The following BLOC1S5 variants were observed in gnomAD, a reference collection of about 807,000 sequenced individuals.
The protein encoded by BLOC1S5 is biogenesis of lysosomal organelles complex 1 subunit 5.
Under a neutral mutation model 24.3 loss-of-function variants are expected in BLOC1S5, and 27 were observed. The ratio of observed to expected loss-of-function variants is 1.11; its 90% CI spans 0.82 to 1.53. The LOEUF is 1.53. BLOC1S5 is among the 40% of genes most tolerant of loss of function. The pLI is 0.00. For missense variants in BLOC1S5, 239 were observed against 229.4 expected (o/e 1.04, Z -0.27); for synonymous variants, 84 against 74.5 (o/e 1.13, Z -0.66).
chr6:8,041,655 C>CTTTCTTTTTTTTT (rs111955375), intron 2 of BLOC1S5, among the ~76,000 whole-genome samples: 12,758 of 111,234 alleles, frequency 0.11, 1,310 homozygotes, highest in South Asian at 0.25. Flanking sequence ...TTCTTTCTTT[C>CTTTCTTTTTTTTT]TTTTTTTTTG....
chr6:8,052,249 G>A lies in BLOC1S5; in HGVS notation c.195+10285C>T, dbSNP rs946912479. Reference sequence around the variant, plus strand: ...CCCAAAGTGCTGGGATTACAGGCGTGAGCCACCGCGCCCGAGGTACAACAT... The same window carrying A: ...CCCAAAGTGCTGGGATTACAGGCGTAAGCCACCGCGCCCGAGGTACAACAT... On this transcript the variant is annotated intron_variant, in intron 2 of 4. Coordinates refer to ENST00000397457, the MANE Select transcript of BLOC1S5 (RefSeq NM_201280.3). Among the ~76,000 whole-genome samples, 9 of 152,092 alleles carry A rather than the reference G, an allele frequency of 5.9e-5. No homozygotes were observed. In the East Asian group the frequency reaches 7.7e-4, roughly 13 times the overall value.
chr6:8,017,880 G>A (rs1390112780), intron 4 of BLOC1S5: 1 of 152,192 alleles, frequency 6.6e-6, no homozygotes, highest in African/African-American at 2.4e-5. Flanking sequence ...CTTTCCAGAG[G>A]AAGTTTTACG....
intron 3 of BLOC1S5, among the ~76,000 whole-genome samples, chr6:8,026,696 T>C (rs543596972): frequency 5.3e-5 from 8 of 152,280 alleles, no homozygotes; most frequent in East Asian, 3.9e-4. Flanking sequence ...CAATGACAGA[T>C]TGTCTACAGC....
chr6:8,064,036 T>C (rs1440481513), intron 1 of BLOC1S5, among the ~76,000 whole-genome samples: 1 of 152,106 alleles, frequency 6.6e-6, no homozygotes, highest in African/African-American at 2.4e-5. Context: ...GCCTGATGGC[T>C]CAGGCTGCGA....
intron 2 of BLOC1S5, among the ~76,000 whole-genome samples, chr6:8,062,011 T>C (rs1005849566): frequency 6.6e-6 from 1 of 152,242 alleles, no homozygotes; most frequent in African/African-American, 2.4e-5. Context: ...GGGTGAAAAC[T>C]GGATTTGACT....
intron 3 of BLOC1S5, among the ~76,000 whole-genome samples, chr6:8,034,942 T>C (rs1581409615): frequency 6.6e-6 from 1 of 151,542 alleles, no homozygotes; most frequent in Middle Eastern, 3.4e-3. Flanking sequence ...TATACATATA[T>C]ATACACATAT....
chr6:8,062,749 T>C, intron 1 of BLOC1S5, 133 bp from the exon 2 acceptor site: 1 of 582,456 alleles, frequency 1.7e-6, no homozygotes. Context: ...AGAAGAAATC[T>C]CATCCACTGC....
At position 8,038,168 on chromosome 6, in the gene BLOC1S5, T is replaced by C. The variant is rs1763551316; in HGVS notation, c.325+2971A>G. On this transcript the variant is annotated intron_variant, in intron 3 of 4. Transcript: ENST00000397457. Reference sequence around the variant, plus strand: ...ACAGACAAATGGGGTTACATCAAGCTAAAACGCTTCCGTGACGCAAAGAAA... The same window carrying C: ...ACAGACAAATGGGGTTACATCAAGCCAAAACGCTTCCGTGACGCAAAGAAA... Among the ~76,000 whole-genome samples, 5 of 152,082 alleles carry C rather than the reference T, an allele frequency of 3.3e-5. No homozygotes were observed. The South Asian group carries it at 1.0e-3, about 32-fold the overall frequency.
At chr6:8,050,601 C>CTTT (rs35623258) in intron 2 of BLOC1S5, among the ~76,000 whole-genome samples, 35 of 137,846 alleles carry the variant, frequency 2.5e-4, no homozygotes, top group African/African-American at 8.5e-4. Flanking sequence ...GGAAAAGAAA[C>CTTT]TTTTTTTTTT....
At chr6:8,016,137 C>G (rs1025073848) in intron 4 of BLOC1S5, among the ~76,000 whole-genome samples, 2 of 152,132 alleles carry the variant, frequency 1.3e-5, no homozygotes, top group African/African-American at 4.8e-5. Context: ...ACCAGCCTGG[C>G]CAACATGGCA....
chr6:8,030,798 G>A (rs1156884021), intron 3 of BLOC1S5, among the ~76,000 whole-genome samples: 2 of 145,962 alleles, frequency 1.4e-5, no homozygotes, highest in Non-Finnish European at 3.0e-5. Context: ...CTTGAACCCA[G>A]AAGACAGAGG....
rs1196869788 is a variant in BLOC1S5 at position 8,062,396 on chromosome 6, G to A, written c.195+138C>T. On this transcript the variant is annotated intron_variant, in intron 2 of 4. Transcript: ENST00000397457. ...TCCCATTAAAAACAACAATTTTTAC[G>A]TCTTCATCATTTTTACTTTGTATAT... The A allele has an allele frequency of 3.6e-5, 21 of 588,684 alleles. 1 individual carries two copies. In the East Asian group the frequency reaches 4.6e-4, roughly 13 times the overall value. The allele number at this position is 588,684 out of a possible 1,614,324, so 36.5% of individuals were successfully genotyped here.
rs190644743 is a variant in BLOC1S5 at position 8,038,179 on chromosome 6, C to T, written c.325+2960G>A. Reference sequence around the variant, plus strand: ...GGGTTACATCAAGCTAAAACGCTTCCGTGACGCAAAGAAAATAATCAGCAA... The same window carrying T: ...GGGTTACATCAAGCTAAAACGCTTCTGTGACGCAAAGAAAATAATCAGCAA... On this transcript the variant is annotated intron_variant, in intron 3 of 4. Coordinates refer to ENST00000397457, the MANE Select transcript of BLOC1S5 (RefSeq NM_201280.3). Among the ~76,000 whole-genome samples, 316 of 152,160 alleles carry T rather than the reference C, an allele frequency of 2.1e-3. 2 individuals carry two copies. The highest frequency in any genetic ancestry group is 1.9e-3 in the East Asian group (10 of 5,172).
intron 4 of BLOC1S5, among the ~76,000 whole-genome samples, chr6:8,016,826 A>G (rs1762754116): frequency 7.0e-6 from 1 of 142,942 alleles, no homozygotes; most frequent in Admixed American, 7.3e-5. Flanking sequence ...GGTTGCAGTG[A>G]GATGAGCACG....
intron 3 of BLOC1S5, among the ~76,000 whole-genome samples, chr6:8,030,396 G>A (rs11756819): frequency 0.41 from 61,313 of 150,542 alleles, 13,853 homozygotes; most frequent in East Asian, 0.78. Context: ...CTGACCTCGT[G>A]ATCCACCCAC....
chr6:8,045,734 ACTTGC>A (rs1447955463), intron 2 of BLOC1S5, among the ~76,000 whole-genome samples: 1 of 152,178 alleles, frequency 6.6e-6, no homozygotes, highest in African/African-American at 2.4e-5. Context: ...TGGATTTCGG[ACTTGC>A]ATGGGCACTG....
At chr6:8,020,826 A>G (rs142788453) in intron 4 of BLOC1S5, among the ~76,000 whole-genome samples, 2 of 152,326 alleles carry the variant, frequency 1.3e-5, no homozygotes, top group East Asian at 3.9e-4. Flanking sequence ...TTATAAGAGC[A>G]TTGTGCTTAA....
chr6:8,061,706 C>G (rs143439923), intron 2 of BLOC1S5, among the ~76,000 whole-genome samples: 1 of 152,234 alleles, frequency 6.6e-6, no homozygotes, highest in Non-Finnish European at 1.5e-5. Flanking sequence ...GAAACTTACA[C>G]AGAATCACAA....
In BLOC1S5 at chr6:8,057,375, C is replaced by T. The variant is rs12661827; in HGVS notation, c.195+5159G>A. Among the ~76,000 whole-genome samples, 508 of 152,248 alleles carry T rather than the reference C, an allele frequency of 3.3e-3. 3 individuals carry two copies. Among genetic ancestry groups the T allele is most frequent in the East Asian group, 0.03 (158 of 5,188 alleles). ...TATTTTTAACTGAGGGGTAACTGTTCGCACTTATCACACAAGGAAGAATAT... is the reference window on the plus strand; with the variant it reads ...TATTTTTAACTGAGGGGTAACTGTTTGCACTTATCACACAAGGAAGAATAT... On this transcript the variant is annotated intron_variant, in intron 2 of 4. Coordinates refer to ENST00000397457, the MANE Select transcript of BLOC1S5 (RefSeq NM_201280.3).
Sources: allele counts gnomAD v4.1 joint callset (sites outside exome capture counted in the v4.1 genomes callset), GRCh38; gene constraint gnomAD v4.1.1; transcripts MANE v1.5; gene names NCBI Gene and HGNC (gene_info 2026-07-23, HGNC 2026-07-21).